Variants in CCDC73 observed in about 807,000 individuals in gnomAD.
CCDC73 encodes coiled-coil domain-containing protein 73.
CCDC73 carries 95 observed loss-of-function variants against 116.5 expected under a neutral mutation model. The ratio of observed to expected loss-of-function variants is 0.82; its 90% CI spans 0.69 to 0.97. CCDC73 has a LOEUF of 0.97. CCDC73 is among the 50% of genes least tolerant of loss of function. The probability of loss-of-function intolerance (pLI) is 0.00; values close to 1 mark genes in which losing one functional copy is unlikely to be tolerated. For missense variants in CCDC73, 1,066 were observed against 1,206.8 expected (o/e 0.88, Z 1.73); for synonymous variants, 398 against 401.3 (o/e 0.99, Z 0.10).
the CCDC73 span, among the ~76,000 whole-genome samples, chr11:32,826,694 C>T: frequency 6.8e-6 from 1 of 146,982 alleles, no homozygotes; most frequent in Non-Finnish European, 1.5e-5. Context: ...AACCAAGCTA[C>T]TACTTGGCCG....
intron 1 of CCDC73, among the ~76,000 whole-genome samples, chr11:32,790,142 T>C (rs768831562): frequency 1.3e-5 from 2 of 152,078 alleles, no homozygotes; most frequent in African/African-American, 2.4e-5. Context: ...AGCAGGCAAG[T>C]CTTAGGGGGT....
chr11:32,804,444 C>G, the CCDC73 span, among the ~76,000 whole-genome samples: 20 of 152,324 alleles, frequency 1.3e-4, no homozygotes, highest in African/African-American at 3.8e-4. Flanking sequence ...GATATAATTT[C>G]TAGTAACTTT....
At chr11:32,778,494 G>A (rs1850555788) in intron 1 of CCDC73, among the ~76,000 whole-genome samples, 1 of 152,106 alleles carries the variant, frequency 6.6e-6, no homozygotes, top group Non-Finnish European at 1.5e-5. Flanking sequence ...AGAAACTTGA[G>A]GCCAGTTGTA....
chr11:32,691,642 T>A (rs1288542530), intron 6 of CCDC73, among the ~76,000 whole-genome samples: 1 of 152,148 alleles, frequency 6.6e-6, no homozygotes, highest in Non-Finnish European at 1.5e-5. Flanking sequence ...TGTTTTCTCC[T>A]ACTCTGTGGC....
At chr11:32,772,562 T>C (rs1454989481) in intron 1 of CCDC73, among the ~76,000 whole-genome samples, 5 of 152,178 alleles carry the variant, frequency 3.3e-5, no homozygotes, top group African/African-American at 9.6e-5. Context: ...AAGCAGAACA[T>C]ACTTGTCCTT....
intron 2 of CCDC73, among the ~76,000 whole-genome samples, chr11:32,759,554 A>T (rs958626701): frequency 1.5e-4 from 23 of 151,698 alleles, no homozygotes; most frequent in Admixed American, 4.6e-4. Context: ...CTGGTCTCGA[A>T]CTCCTGGCCT....
At chr11:32,758,458 TTA>T in intron 2 of CCDC73, 1 of 467,558 alleles carries the variant, frequency 2.1e-6, no homozygotes. Context: ...CCTAAAGTTC[TTA>T]TGAGGTTATC....
At chr11:32,813,141 G>A in the CCDC73 span, among the ~76,000 whole-genome samples, 6 of 151,740 alleles carry the variant, frequency 4.0e-5, no homozygotes, top group South Asian at 1.3e-3. Context: ...TATTTCTTCC[G>A]TTTTGTGAAT....
At chr11:32,694,897 T>C (rs1305062337) in intron 6 of CCDC73, among the ~76,000 whole-genome samples, 1 of 152,052 alleles carries the variant, frequency 6.6e-6, no homozygotes, top group Non-Finnish European at 1.5e-5. Context: ...TACAAAGTGG[T>C]GTGCCGCAGT....
chr11:32,638,720 G>A (rs952523607), intron 13 of CCDC73, among the ~76,000 whole-genome samples: 2 of 151,972 alleles, frequency 1.3e-5, no homozygotes, highest in Admixed American at 6.6e-5. Flanking sequence ...CTCGTGATCC[G>A]CCCACCTCAG....
intron 14 of CCDC73, among the ~76,000 whole-genome samples, chr11:32,635,080 A>G (rs1035347659): frequency 6.6e-6 from 1 of 152,220 alleles, no homozygotes; most frequent in African/African-American, 2.4e-5. Context: ...CAAGACCTAT[A>G]TGATAAAAAC....
chr11:32,673,420 A>G (rs1001907771), intron 9 of CCDC73, among the ~76,000 whole-genome samples: 2 of 152,138 alleles, frequency 1.3e-5, no homozygotes, highest in African/African-American at 4.8e-5. Context: ...ATATTAAAAT[A>G]GTGAAAGTCT....
the CCDC73 span, among the ~76,000 whole-genome samples, chr11:32,826,466 A>C: frequency 6.6e-6 from 1 of 152,182 alleles, no homozygotes; most frequent in East Asian, 1.9e-4. Flanking sequence ...CCACACAGTA[A>C]AGTGAGTTTT....
At chr11:32,743,489 C>T (rs1344098119) in intron 2 of CCDC73, among the ~76,000 whole-genome samples, 4 of 151,772 alleles carry the variant, frequency 2.6e-5, no homozygotes. Context: ...CCAGTGAGAA[C>T]AAAGAAACAA....
chr11:32,696,637 C>G (rs1160635900), intron 6 of CCDC73, among the ~76,000 whole-genome samples: 2 of 151,930 alleles, frequency 1.3e-5, no homozygotes, highest in African/African-American at 4.8e-5. Context: ...GGTTTTGCCA[C>G]GTTGCCCAGG....
intron 6 of CCDC73, among the ~76,000 whole-genome samples, chr11:32,694,588 G>A (rs1856291747): frequency 1.3e-5 from 2 of 151,870 alleles, no homozygotes; most frequent in African/African-American, 4.8e-5. Flanking sequence ...AGAACTTAAA[G>A]TATAATTAAA....
intron 1 of CCDC73, among the ~76,000 whole-genome samples, chr11:32,787,623 G>T (rs1194520655): frequency 1.3e-5 from 2 of 152,014 alleles, no homozygotes; most frequent in African/African-American, 4.8e-5. Context: ...TGAAAAGAAT[G>T]GCAAATTAGT....
At chr11:32,812,883 C>T in the CCDC73 span, among the ~76,000 whole-genome samples, 1 of 152,020 alleles carries the variant, frequency 6.6e-6, no homozygotes, top group African/African-American at 2.4e-5. Flanking sequence ...TGAAATTTAA[C>T]AAATCTTTCA....
chr11:32,822,945 A>G, the CCDC73 span, among the ~76,000 whole-genome samples: 1 of 152,178 alleles, frequency 6.6e-6, no homozygotes, highest in Non-Finnish European at 1.5e-5. Context: ...CATGCCTCAA[A>G]ATAAAGAAAA....
Sources: allele counts gnomAD v4.1 joint callset (sites outside exome capture counted in the v4.1 genomes callset), GRCh38; gene constraint gnomAD v4.1.1; transcripts MANE v1.5; gene names NCBI Gene and HGNC (gene_info 2026-07-23, HGNC 2026-07-21).